NEK10: variants seen among roughly 807,000 people sequenced by gnomAD.
NEK10 encodes the protein NIMA related kinase 10.
A neutral mutation model predicts 159.8 loss-of-function variants in NEK10; 122 were observed. The observed-to-expected ratio is 0.76, with a 90% CI of 0.66 to 0.89. The LOEUF is 0.89. NEK10 is among the 40% of genes least tolerant of loss of function. The pLI is 0.00. For missense variants in NEK10, 1,342 were observed against 1,323.1 expected, an observed-to-expected ratio of 1.01 and a Z score of -0.22; for synonymous variants, 466 against 457.1, an observed-to-expected ratio of 1.02 and a Z score of -0.25.
chr3:27,292,767 CAA>C (rs35773318), intron 16 of NEK10, among the ~76,000 whole-genome samples: 64 of 88,362 alleles, frequency 7.2e-4, no homozygotes, highest in Non-Finnish European at 9.0e-4. Context: ...GAGCCTTTGT[CAA>C]AAAAAAAAAA....
chr3:27,130,499 A>G (rs1182647486), intron 32 of NEK10, among the ~76,000 whole-genome samples: 2 of 152,156 alleles, frequency 1.3e-5, no homozygotes, highest in Non-Finnish European at 2.9e-5. Context: ...ATAAGTAATA[A>G]ACGAGAAAAT....
chr3:27,202,400 G>C (rs1231141121), intron 24 of NEK10, 28 bp downstream of exon 24: 2 of 1,586,230 alleles, frequency 1.3e-6, no homozygotes, highest in East Asian at 2.3e-5. Flanking sequence ...AGCTACACGA[G>C]ACCCTTCTGT....
At chr3:27,147,386 G>A (rs1253610557) in intron 30 of NEK10, among the ~76,000 whole-genome samples, 3 of 152,204 alleles carry the variant, frequency 2.0e-5, no homozygotes, top group African/African-American at 7.2e-5. Flanking sequence ...CAGACAAAAA[G>A]TGTTTGGAAG....
intron 26 of NEK10, among the ~76,000 whole-genome samples, chr3:27,183,404 AAAAC>A (rs1280253384): frequency 6.6e-6 from 1 of 151,514 alleles, no homozygotes; most frequent in Non-Finnish European, 1.5e-5. Context: ...ACCAAAAAAA[AAAAC>A]CAAAAAGTCA....
In NEK10 at chr3:27,162,837, T is replaced by C; in HGVS notation, c.2832-99A>G. The C allele has an allele frequency of 2.0e-6, 3 of 1,504,700 alleles. No homozygotes were observed. The South Asian group carries it at 3.7e-5, about 19-fold the overall frequency. The allele number at this position is 1,504,700 out of a possible 1,614,324, so 93.2% of individuals were successfully genotyped here. ...CTATGGTCTACATTATAAAGATTAA[T>C]AGAGATTATTTTCCCTCAAGATGCT... is the stretch of plus-strand genomic sequence containing the variant. On this transcript the variant is annotated intron_variant, in intron 29 of 35. Coordinates refer to ENST00000691995, the MANE Select transcript of NEK10 (RefSeq NM_001394966.1).
intron 29 of NEK10, among the ~76,000 whole-genome samples, chr3:27,170,588 C>T (rs1051366657): frequency 9.2e-5 from 14 of 152,018 alleles, no homozygotes; most frequent in Non-Finnish European, 1.9e-4. Flanking sequence ...AAAAATTAGC[C>T]AGGTATGGTG....
intron 15 of NEK10, among the ~76,000 whole-genome samples, chr3:27,294,848 G>A (rs567229147): frequency 2.6e-4 from 40 of 151,300 alleles, no homozygotes; most frequent in African/African-American, 9.3e-4. Context: ...ACTGCCCCCC[G>A]CCCCCACTCT....
chr3:27,176,517 C>T (rs1053487879), intron 26 of NEK10, among the ~76,000 whole-genome samples: 1 of 152,322 alleles, frequency 6.6e-6, no homozygotes. Flanking sequence ...CCACACTCAA[C>T]CCCTGATACC....
At chr3:27,350,005 G>A (rs902743354) in intron 3 of NEK10, among the ~76,000 whole-genome samples, 3 of 152,074 alleles carry the variant, frequency 2.0e-5, no homozygotes, top group East Asian at 1.9e-4. Flanking sequence ...AAGTAGCCTC[G>A]CTCCTTAGAG....
chr3:27,226,335 G>A (rs552984468), intron 23 of NEK10, among the ~76,000 whole-genome samples: 4 of 151,830 alleles, frequency 2.6e-5, no homozygotes, highest in Admixed American at 6.6e-5. Context: ...GTGAGCCACC[G>A]TGCCTGGCCA....
At chr3:27,288,994 G>A (rs1440723729) in intron 19 of NEK10, among the ~76,000 whole-genome samples, 1 of 152,122 alleles carries the variant, frequency 6.6e-6, no homozygotes, top group Non-Finnish European at 1.5e-5. Flanking sequence ...TCTGACCTGT[G>A]GAATATGAGA....
At chr3:27,351,574 T>C (rs1472075815) in intron 3 of NEK10, among the ~76,000 whole-genome samples, 1 of 152,170 alleles carries the variant, frequency 6.6e-6, no homozygotes, top group African/African-American at 2.4e-5. Flanking sequence ...ATACGAACTA[T>C]CATTATTTGG....
intron 14 of NEK10, 40 bp from the exon 15 acceptor site, chr3:27,295,730 G>A (rs1173125486): frequency 2.6e-6 from 4 of 1,514,628 alleles, no homozygotes; most frequent in Non-Finnish European, 3.5e-6. Flanking sequence ...TGACAACACT[G>A]TAGTGATACA....
At chr3:27,177,702 C>A (rs1240186331) in intron 26 of NEK10, among the ~76,000 whole-genome samples, 1 of 152,088 alleles carries the variant, frequency 6.6e-6, no homozygotes, top group Non-Finnish European at 1.5e-5. Context: ...ATTTGAGTAT[C>A]CAACTCTTTA....
chr3:27,337,893 G>C (rs1289370242), intron 5 of NEK10, among the ~76,000 whole-genome samples: 5 of 152,002 alleles, frequency 3.3e-5, no homozygotes, highest in Non-Finnish European at 7.4e-5. Context: ...AACATAGGAA[G>C]GTGTAGGCAA....
At chr3:27,195,179 C>T (rs1440269873) in intron 25 of NEK10, among the ~76,000 whole-genome samples, 3 of 152,148 alleles carry the variant, frequency 2.0e-5, no homozygotes, top group Admixed American at 1.3e-4. Flanking sequence ...TTATAATAAA[C>T]ATTTCTGTCA....
At position 27,191,797 on chromosome 3, in the gene NEK10, C is replaced by T. The variant is rs766468731; in HGVS notation, c.2505+232G>A. On this transcript the variant is annotated intron_variant, in intron 26 of 35. Transcript: ENST00000691995. Reference sequence around the variant, plus strand: ...TCGCTAAGAGAACTTTGTGATACCTCGATTTTTGCAAAAATAAAATAAATT... The same window carrying T: ...TCGCTAAGAGAACTTTGTGATACCTTGATTTTTGCAAAAATAAAATAAATT... Among the ~76,000 whole-genome samples, 16 of 152,034 alleles carry T rather than the reference C, an allele frequency of 1.1e-4. No homozygotes were observed. In the South Asian group the frequency reaches 1.9e-3, roughly 18 times the overall value.
chr3:27,350,269 C>A (rs900760131), intron 3 of NEK10, among the ~76,000 whole-genome samples: 2 of 152,106 alleles, frequency 1.3e-5, no homozygotes. Context: ...ACTTTGCTCC[C>A]AACCCTTGTT....
chr3:27,108,137 G>A lies in NEK10; in HGVS notation c.*3135C>T, dbSNP rs1273492285. 1.3e-5 allele frequency among the ~76,000 whole-genome samples: 2 copies of A among 152,104 alleles called. No homozygotes were observed. The highest frequency in any genetic ancestry group is 3.9e-4 in the East Asian group (2 of 5,192). On this transcript the variant is annotated 3_prime_UTR_variant, in exon 36 of 36. Coordinates refer to ENST00000691995, the MANE Select transcript of NEK10 (RefSeq NM_001394966.1). ...AATGAGTCATAGATGATACTTATAG[G>A]AAGACCTAACTCTTAATCAATTATA...
Sources: gnomAD v4.1 joint callset for allele counts (sites outside exome capture counted in the v4.1 genomes callset) on GRCh38, gnomAD v4.1.1 for gene constraint, MANE v1.5 for transcripts, NCBI Gene and HGNC (gene_info 2026-07-23, HGNC 2026-07-21) for gene names.